Variants in AFF3 observed in about 807,000 individuals in gnomAD.
AFF3 encodes ALF transcription elongation factor 3, also known as AF4/FMR2 family member 3.
In AFF3, 32 loss-of-function variants were observed where a neutral mutation model predicts 129.7. The ratio of observed to expected loss-of-function variants is 0.25; its 90% CI spans 0.19 to 0.33. AFF3 has a LOEUF of 0.33. AFF3 is among the 10% of genes least tolerant of loss of function. AFF3 has a pLI of 1.00. For synonymous variants in AFF3, 644 were observed against 635.4 expected, an observed-to-expected ratio of 1.01 and a Z score of -0.20; for missense variants, 1,373 against 1,592.0, an observed-to-expected ratio of 0.86 and a Z score of 2.34.
At chr2:99,684,837 C>G (rs534452480) in intron 11 of AFF3, among the ~76,000 whole-genome samples, 3 of 151,878 alleles carry the variant, frequency 2.0e-5, no homozygotes, top group Admixed American at 1.3e-4. Context: ...TCTGATACTT[C>G]CAGAATTTTT....
chr2:99,791,391 G>C (rs1014260346), intron 8 of AFF3, among the ~76,000 whole-genome samples: 1 of 152,158 alleles, frequency 6.6e-6, no homozygotes, highest in Non-Finnish European at 1.5e-5. Flanking sequence ...CTAATGTCAT[G>C]TAAATACCAT....
At chr2:99,826,683 C>T (rs776415067) in intron 8 of AFF3, among the ~76,000 whole-genome samples, 1 of 151,730 alleles carries the variant, frequency 6.6e-6, no homozygotes, top group Non-Finnish European at 1.5e-5. Flanking sequence ...TGAGGGGCAA[C>T]GTGGTGAAAG....
At chr2:99,785,281 C>T (rs184784168) in intron 8 of AFF3, among the ~76,000 whole-genome samples, 141 of 152,242 alleles carry the variant, frequency 9.3e-4, no homozygotes, top group African/African-American at 3.1e-3. Flanking sequence ...ATGCAGTCCA[C>T]GACAAATGAA....
chr2:99,837,496 C>T lies in AFF3; in HGVS notation c.902G>A (p.Cys301Tyr), dbSNP rs1173112904. Residue 301 changes from cysteine (C) to tyrosine (Y), a missense_variant, in exon 8 of 25, where the codon TGT becomes TAT. By Grantham distance (194) the Cys-to-Tyr change is radical. Around this residue, in one of 9 missense-constraint regions of AFF3, gnomAD observed 413 missense variants for 424.4 expected, o/e 0.97. Transcript: ENST00000672756. ...EESRSGETNS[C>Y]VEEIIREMTW... ...TCTTACCCGGATTATTTCTTCAACA[C>T]AGCTGTTGGTTTCTCCAGATCTACT... 6.2e-7 allele frequency: 1 copy of T among 1,613,660 alleles called. No individual in the cohort carries two copies.
intron 2 of AFF3, among the ~76,000 whole-genome samples, chr2:100,124,707 T>TA (rs996673393): frequency 4.6e-5 from 7 of 151,846 alleles, no homozygotes; most frequent in African/African-American, 1.7e-4. Context: ...AAAAGGGACT[T>TA]AAAAAAATGA....
At chr2:100,008,669 T>A (rs1324627860) in intron 5 of AFF3, 143 bp downstream of exon 5, 1 of 1,019,288 alleles carries the variant, frequency 9.8e-7, no homozygotes, top group South Asian at 1.8e-5. Context: ...ACCCCGTACT[T>A]GGTGGCTGAG....
chr2:99,993,970 T>A (rs1238201070), intron 7 of AFF3, among the ~76,000 whole-genome samples: 1 of 151,612 alleles, frequency 6.6e-6, no homozygotes, highest in Non-Finnish European at 1.5e-5. Context: ...CATGCCCGGC[T>A]AATTTTTGTA....
chr2:100,057,621 C>T (rs950656413), intron 4 of AFF3, among the ~76,000 whole-genome samples: 12 of 152,164 alleles, frequency 7.9e-5, no homozygotes, highest in South Asian at 4.1e-4. Flanking sequence ...TGCAGTTTGT[C>T]CTTCCTTTTC....
In AFF3 at chr2:100,006,794, T is replaced by C. The variant is rs2104734890; in HGVS notation, c.711A>G (p.Pro237=). 2 of 1,614,226 alleles carry C rather than the reference T, an allele frequency of 1.2e-6. No individual in the cohort carries two copies. The highest frequency in any genetic ancestry group is 1.7e-6 in the Non-Finnish European group (2 of 1,180,050). Residue 237 remains proline (P), a synonymous_variant, in exon 7 of 25, where the codon CCA becomes CCG. Coordinates refer to ENST00000672756, the MANE Select transcript of AFF3 (RefSeq NM_001386135.1). ...CAGGGGCCTGATCTTGGCCGTCCAT[T>C]GGCCTCACATACGCGGTCGGTTTCT... ...VQQKPTAYVR[P]MDGQDQAPDE... is the part of the protein sequence containing the mutation.
intron 7 of AFF3, among the ~76,000 whole-genome samples, chr2:99,907,870 G>A (rs1037768878): frequency 1.3e-5 from 2 of 151,986 alleles, no homozygotes; most frequent in Admixed American, 6.6e-5. Context: ...TATCCTTTTT[G>A]TCCCACTAGA....
At chr2:99,877,042 G>A (rs763381708) in intron 7 of AFF3, among the ~76,000 whole-genome samples, 17 of 152,156 alleles carry the variant, frequency 1.1e-4, no homozygotes, top group Non-Finnish European at 1.3e-4. Flanking sequence ...GGCTACTAAC[G>A]CTGAGGGAGA....
chr2:99,743,240 T>C (rs1467145205), intron 10 of AFF3, among the ~76,000 whole-genome samples: 1 of 152,244 alleles, frequency 6.6e-6, no homozygotes, highest in African/African-American at 2.4e-5. Flanking sequence ...TAGCTGCGCA[T>C]GAAAATTCTG....
chr2:99,787,752 A>G (rs1558850910), intron 8 of AFF3, among the ~76,000 whole-genome samples: 1 of 152,164 alleles, frequency 6.6e-6, no homozygotes, highest in Non-Finnish European at 1.5e-5. Context: ...CAAACAAACA[A>G]ACAAACAACA....
chr2:99,776,157 A>C (rs962590243), intron 8 of AFF3, among the ~76,000 whole-genome samples: 3 of 152,172 alleles, frequency 2.0e-5, no homozygotes, highest in Non-Finnish European at 4.4e-5. Context: ...CGGGGGAAAA[A>C]AGGAATGCAC....
At chr2:100,055,955 T>C (rs1175244256) in intron 4 of AFF3, among the ~76,000 whole-genome samples, 1 of 151,720 alleles carries the variant, frequency 6.6e-6, no homozygotes, top group East Asian at 1.9e-4. Context: ...AAGGACTGCT[T>C]GAGGCCAGGA....
chr2:99,769,821 T>G (rs1368968863), intron 8 of AFF3, among the ~76,000 whole-genome samples: 2 of 152,198 alleles, frequency 1.3e-5, no homozygotes, highest in African/African-American at 4.8e-5. Context: ...TCTTGTTCTC[T>G]TCCCTTACTT....
intron 1 of AFF3, among the ~76,000 whole-genome samples, chr2:100,130,125 G>C (rs1407057967): frequency 6.6e-6 from 1 of 152,236 alleles, no homozygotes; most frequent in Non-Finnish European, 1.5e-5. Flanking sequence ...TCAGTTGACA[G>C]CGTGTGGCAC....
At chr2:100,067,313 T>A (rs1687810176) in intron 4 of AFF3, among the ~76,000 whole-genome samples, 1 of 152,048 alleles carries the variant, frequency 6.6e-6, no homozygotes, top group African/African-American at 2.4e-5. Flanking sequence ...AGGAGCAGGA[T>A]AATCTACAAG....
chr2:99,891,769 T>C (rs1301674438), intron 7 of AFF3, among the ~76,000 whole-genome samples: 1 of 152,048 alleles, frequency 6.6e-6, no homozygotes, highest in Non-Finnish European at 1.5e-5. Flanking sequence ...TCATAGTTGG[T>C]AGAGCCAGGA....
Sources: gnomAD v4.1 joint callset for allele counts (sites outside exome capture counted in the v4.1 genomes callset) on GRCh38, gnomAD v4.1.1 for gene constraint, gnomAD v4.1.1 regional missense constraint, MANE v1.5 for transcripts, NCBI Gene and HGNC (gene_info 2026-07-23, HGNC 2026-07-21) for gene names.